CNTNAP2: variants seen among roughly 807,000 people sequenced by gnomAD.
CNTNAP2 encodes contactin-associated protein-like 2.
A neutral mutation model predicts 155.2 loss-of-function variants in CNTNAP2; 98 were observed. The observed-to-expected ratio is 0.63, with a 90% CI of 0.54 to 0.75. The LOEUF is 0.75. Among genes scored for constraint, CNTNAP2 ranks in the 30% least tolerant of loss-of-function variants. The probability of loss-of-function intolerance (pLI) is 0.00; values close to 1 mark genes in which losing one functional copy is unlikely to be tolerated. For missense variants in CNTNAP2, 1,727 were observed against 1,688.1 expected, an observed-to-expected ratio of 1.02 and a Z score of -0.40; for synonymous variants, 651 against 631.2, an observed-to-expected ratio of 1.03 and a Z score of -0.47.
chr7:146,605,396 G>A (rs1388485406), intron 1 of CNTNAP2, among the ~76,000 whole-genome samples: 1 of 151,262 alleles, frequency 6.6e-6, no homozygotes, highest in Non-Finnish European at 1.5e-5. Flanking sequence ...CTCTTACTCT[G>A]GAAGCCAAAT....
At chr7:147,636,741 A>G (rs747190148) in intron 12 of CNTNAP2, among the ~76,000 whole-genome samples, 2 of 152,186 alleles carry the variant, frequency 1.3e-5, no homozygotes, top group African/African-American at 2.4e-5. Context: ...AAGCCCTACT[A>G]TGTGCCAATT....
At chr7:148,092,334 G>A (rs1273733196) in intron 15 of CNTNAP2, among the ~76,000 whole-genome samples, 1 of 152,180 alleles carries the variant, frequency 6.6e-6, no homozygotes, top group Non-Finnish European at 1.5e-5. Flanking sequence ...TGCATCAAGT[G>A]TTTCCATCTT....
intron 18 of CNTNAP2, among the ~76,000 whole-genome samples, chr7:148,187,073 TCTGAGGCCCTCTCTGTGCGGTTGAGCAA>T (rs1170711948): frequency 6.6e-6 from 1 of 151,784 alleles, no homozygotes; most frequent in East Asian, 1.9e-4. Context: ...TGCCGTTCTT[TCTGAGGCCCTCTCTGTGCGGTTGAGCAA>T]GGAAACATAC....
At chr7:147,518,803 G>C (rs1021996693) in intron 11 of CNTNAP2, among the ~76,000 whole-genome samples, 1 of 152,084 alleles carries the variant, frequency 6.6e-6, no homozygotes, top group South Asian at 2.1e-4. Flanking sequence ...GGGCAAGGCG[G>C]GCGGATCACC....
At position 147,601,087 on chromosome 7, in the gene CNTNAP2, C is replaced by T. The variant is rs140205704; in HGVS notation, c.1898-38019C>T. Among the ~76,000 whole-genome samples the T allele has an allele frequency of 9.9e-5, 15 of 152,264 alleles. No individual in the cohort carries two copies. In the East Asian group the frequency reaches 2.9e-3, roughly 29 times the overall value. On this transcript the variant is annotated intron_variant, in intron 12 of 23. Coordinates refer to ENST00000361727, the MANE Select transcript of CNTNAP2 (RefSeq NM_014141.6). ...AGAGAGCACTGTAAAAGTCCTGTGT[C>T]CCCGTTACTCAGCCTCAACAGGTTT...
chr7:147,380,309 T>G (rs1004646378), intron 9 of CNTNAP2, among the ~76,000 whole-genome samples: 2 of 152,102 alleles, frequency 1.3e-5, no homozygotes, highest in Non-Finnish European at 2.9e-5. Context: ...GAATGAAATT[T>G]GGAGGTGCTC....
chr7:146,155,708 T>TTAA (rs1174619941), intron 1 of CNTNAP2, among the ~76,000 whole-genome samples: 3 of 150,180 alleles, frequency 2.0e-5, no homozygotes, highest in Non-Finnish European at 3.0e-5. Context: ...ATTATTATTA[T>TTAA]TATTATTCGA....
intron 8 of CNTNAP2, among the ~76,000 whole-genome samples, chr7:147,192,281 G>T (rs141440242): frequency 6.6e-6 from 1 of 151,808 alleles, no homozygotes; most frequent in Non-Finnish European, 1.5e-5. Flanking sequence ...TCCCTGGTCC[G>T]TTCCTCCAGC....
intron 3 of CNTNAP2, among the ~76,000 whole-genome samples, chr7:147,009,735 CA>C (rs1300450797): frequency 6.6e-6 from 1 of 152,064 alleles, no homozygotes. Flanking sequence ...CTTCAACTAG[CA>C]GCAAATTCTA....
At chr7:148,173,355 A>G (rs547295190) in intron 18 of CNTNAP2, among the ~76,000 whole-genome samples, 3 of 152,216 alleles carry the variant, frequency 2.0e-5, no homozygotes, top group Non-Finnish European at 2.9e-5. Flanking sequence ...AATGTATAGC[A>G]TATGGGTAAA....
At position 146,362,943 on chromosome 7, in the gene CNTNAP2, G is replaced by A. The variant is rs545368760; in HGVS notation, c.97+245970G>A. On this transcript the variant is annotated intron_variant, in intron 1 of 23. Coordinates refer to ENST00000361727, the MANE Select transcript of CNTNAP2 (RefSeq NM_014141.6). ...GTGCCACCACGCCCAGCTAATTTTT[G>A]TATTTTTAGTAGAGATGGGGTTTCA... is the stretch of plus-strand genomic sequence containing the variant. Among the ~76,000 whole-genome samples the A allele has an allele frequency of 3.1e-3, 470 of 151,810 alleles. 3 individuals are homozygous for A. The highest frequency in any genetic ancestry group is 4.4e-3 in the Non-Finnish European group (302 of 67,896).
intron 3 of CNTNAP2, among the ~76,000 whole-genome samples, chr7:146,874,176 A>T (rs965961864): frequency 6.6e-6 from 1 of 152,164 alleles, no homozygotes; most frequent in African/African-American, 2.4e-5. Context: ...AGGAACTTGT[A>T]TATAAAAGAT....
At chr7:147,346,895 C>CTCTT in intron 9 of CNTNAP2, among the ~76,000 whole-genome samples, 1 of 152,124 alleles carries the variant, frequency 6.6e-6, no homozygotes, top group Middle Eastern at 3.2e-3. Flanking sequence ...TTTTCTCAAA[C>CTCTT]ATGTTACTCT....
intron 4 of CNTNAP2, among the ~76,000 whole-genome samples, chr7:147,101,338 G>A (rs1053334471): frequency 1.3e-5 from 2 of 152,194 alleles, no homozygotes; most frequent in Non-Finnish European, 2.9e-5. Context: ...TGCAACAAGG[G>A]TGTGGCTCCA....
At chr7:146,271,854 C>A (rs764309038) in intron 1 of CNTNAP2, among the ~76,000 whole-genome samples, 1 of 151,962 alleles carries the variant, frequency 6.6e-6, no homozygotes, top group Non-Finnish European at 1.5e-5. Context: ...TTGGTTAAAA[C>A]AAAAATAAAT....
intron 21 of CNTNAP2, among the ~76,000 whole-genome samples, chr7:148,325,143 C>T (rs1191090968): frequency 6.6e-6 from 1 of 152,200 alleles, no homozygotes. Flanking sequence ...AATAAATGGA[C>T]AGATTTTTGT....
intron 21 of CNTNAP2, among the ~76,000 whole-genome samples, chr7:148,363,982 C>A (rs1190834241): frequency 1.3e-5 from 2 of 152,152 alleles, no homozygotes; most frequent in African/African-American, 4.8e-5. Context: ...GTACTGGGTC[C>A]CCCAGCAGTG....
chr7:147,089,416 G>T (rs138341168), intron 4 of CNTNAP2, among the ~76,000 whole-genome samples: 11 of 152,174 alleles, frequency 7.2e-5, no homozygotes, highest in African/African-American at 2.4e-4. Flanking sequence ...AGAGCCACTT[G>T]GAAAAACATT....
At chr7:146,191,071 G>A (rs969270664) in intron 1 of CNTNAP2, among the ~76,000 whole-genome samples, 1 of 151,888 alleles carries the variant, frequency 6.6e-6, no homozygotes, top group Non-Finnish European at 1.5e-5. Context: ...CCAATTATTG[G>A]GGGAACCACC....
Sources: allele counts gnomAD v4.1 joint callset (sites outside exome capture counted in the v4.1 genomes callset), GRCh38; gene constraint gnomAD v4.1.1; transcripts MANE v1.5; gene names NCBI Gene and HGNC (gene_info 2026-07-23, HGNC 2026-07-21).